Variants in ZGRF1 observed in about 807,000 individuals in gnomAD.
The protein encoded by ZGRF1 is 5'-3' DNA helicase ZGRF1.
A neutral mutation model predicts 203.5 loss-of-function variants in ZGRF1; 196 were observed. The ratio of observed to expected loss-of-function variants is 0.96; its 90% CI spans 0.86 to 1.08. ZGRF1 has a LOEUF of 1.08. Ranked by LOEUF, ZGRF1 falls within the 50% of genes least tolerant of loss-of-function variation. ZGRF1 has a pLI of 0.00. For missense variants in ZGRF1, 2,326 were observed against 2,416.3 expected (o/e 0.96, Z 0.78); for synonymous variants, 809 against 841.3 (o/e 0.96, Z 0.66).
At chr4:112,573,539 C>G (rs1744603649) in intron 16 of ZGRF1, among the ~76,000 whole-genome samples, 1 of 151,876 alleles carries the variant, frequency 6.6e-6, no homozygotes, top group Admixed American at 6.6e-5. Context: ...CACCTGTTCC[C>G]TCAAAAAATT....
intron 9 of ZGRF1, 25 bp from the exon 10 acceptor site, chr4:112,603,722 G>C (rs774146593): frequency 6.4e-7 from 1 of 1,574,036 alleles, no homozygotes; most frequent in Admixed American, 1.7e-5. Context: ...TTAAAAATAA[G>C]AACTGCATAA....
Position 112,597,770 on chromosome 4 carries a change from GC to G in ZGRF1, c.2976+5753del, listed in dbSNP as rs575684091. ...GTGGTGGTGCGTGCCTGTGGCCCCA[GC>G]TACTCGGGAGGCTGAGGCAGGAGAA... On this transcript the variant is annotated intron_variant, in intron 10 of 27. Coordinates refer to ENST00000505019, the MANE Select transcript of ZGRF1 (RefSeq NM_018392.5). Among the ~76,000 whole-genome samples the G allele has an allele frequency of 4.0e-4, 61 of 151,782 alleles. 1 individual carries two copies. In the East Asian group the frequency reaches 0.012, roughly 29 times the overall value.
chr4:112,607,061 TA>T (rs1437510118), intron 8 of ZGRF1, among the ~76,000 whole-genome samples: 1 of 152,204 alleles, frequency 6.6e-6, no homozygotes, highest in African/African-American at 2.4e-5. Context: ...AACACTTATA[TA>T]TAAGCACAAC....
chr4:112,577,739 T>TTG lies in ZGRF1; in HGVS notation c.4438+3923_4438+3924insCA, dbSNP rs1247428009. 2.5e-4 allele frequency among the ~76,000 whole-genome samples: 31 copies of TTG among 123,192 alleles called. 8 individuals are homozygous for TTG. The highest frequency in any genetic ancestry group is 8.2e-4 in the African/African-American group (29 of 35,556). 80.8% of individuals were successfully genotyped at this position (123,192 alleles called of 152,430 possible). ...AACAAGAAGAGCTAACTATCCTAAA[T>TTG]GTATATGCACCCAATTACAGGAGCA... On this transcript the variant is annotated intron_variant, in intron 16 of 27. Coordinates refer to ENST00000505019, the MANE Select transcript of ZGRF1 (RefSeq NM_018392.5).
intron 4 of ZGRF1, among the ~76,000 whole-genome samples, chr4:112,623,263 G>C (rs571856888): frequency 1.8e-4 from 27 of 152,254 alleles, no homozygotes; most frequent in Admixed American, 1.2e-3. Flanking sequence ...ATCACTGATA[G>C]GCATTTAGGC....
chr4:112,632,458 C>A (rs1427656231), intron 2 of ZGRF1, among the ~76,000 whole-genome samples: 1 of 152,154 alleles, frequency 6.6e-6, no homozygotes, highest in Non-Finnish European at 1.5e-5. Context: ...AAGACCTTTA[C>A]AGGTATCTGT....
Position 112,547,346 on chromosome 4 carries a change from C to T in ZGRF1, c.5537G>A (p.Gly1846Asp). Reference sequence around the variant, plus strand: ...TCCATTTTCATGAGCTGCATCAGAACCCTGAATAGTAGGAGGTAGCTGTTT... The same window carrying T: ...TCCATTTTCATGAGCTGCATCAGAATCCTGAATAGTAGGAGGTAGCTGTTT... ...DPKQLPPTIQ[G>D]SDAAHENGLE... is the part of the protein sequence containing the mutation. Residue 1846 changes from glycine (G) to aspartate (D), a missense_variant, in exon 24 of 28, where the codon GGT becomes GAT. Gly to Asp is a moderately conservative substitution (Grantham distance 94). Transcript: ENST00000505019. The T allele has an allele frequency of 6.2e-7, 1 of 1,613,544 alleles. No homozygotes were observed. Among genetic ancestry groups the T allele is most frequent in the East Asian group, 2.2e-5 (1 of 44,838 alleles).
intron 10 of ZGRF1, among the ~76,000 whole-genome samples, chr4:112,596,745 C>T (rs987116304): frequency 4.6e-5 from 7 of 152,026 alleles, no homozygotes; most frequent in East Asian, 1.9e-4. Flanking sequence ...AGGCACATGC[C>T]ACCACGCCTG....
At chr4:112,615,797 C>T (rs2046847204) in intron 6 of ZGRF1, among the ~76,000 whole-genome samples, 1 of 151,678 alleles carries the variant, frequency 6.6e-6, no homozygotes, top group Admixed American at 6.6e-5. Flanking sequence ...CAATGCTCAT[C>T]TAATTTTTTA....
intron 3 of ZGRF1, chr4:112,624,088 G>A: frequency 2.7e-6 from 1 of 367,644 alleles, no homozygotes; most frequent in Non-Finnish European, 5.0e-6. Context: ...AGAAATTCGG[G>A]CAACCCGCTC....
At chr4:112,634,601 A>G (rs1018386531) in intron 1 of ZGRF1, among the ~76,000 whole-genome samples, 1 of 151,972 alleles carries the variant, frequency 6.6e-6, no homozygotes, top group Non-Finnish European at 1.5e-5. Context: ...CAGTGAGCCG[A>G]GATCACGCCA....
chr4:112,607,661 G>C (rs1225325081), intron 8 of ZGRF1, among the ~76,000 whole-genome samples: 1 of 152,192 alleles, frequency 6.6e-6, no homozygotes, highest in Admixed American at 6.5e-5. Context: ...TATAGGCCAG[G>C]CACATGCCTA....
At position 112,579,471 on chromosome 4, in the gene ZGRF1, G is replaced by A. The variant is rs1431413499; in HGVS notation, c.4438+2192C>T. On this transcript the variant is annotated intron_variant, in intron 16 of 27. Coordinates refer to ENST00000505019, the MANE Select transcript of ZGRF1 (RefSeq NM_018392.5). ...AAAGGGTATTCAATTAGGAAAAGAG[G>A]AAGTTAAATTGTCCCTGTTTGCAGA... 1.6e-5 allele frequency among the ~76,000 whole-genome samples: 2 copies of A among 122,200 alleles called. 1 individual carries two copies. The highest frequency in any genetic ancestry group is 3.6e-5 in the Non-Finnish European group (2 of 54,900). The allele number at this position is 122,200 out of a possible 152,430, so 80.2% of individuals were successfully genotyped here.
chr4:112,540,558 T>C (rs72668069), intron 26 of ZGRF1, among the ~76,000 whole-genome samples: 2,190 of 152,308 alleles, frequency 0.014, 30 homozygotes, highest in South Asian at 0.03. Context: ...TACACCATAT[T>C]TTCTTCCCTC....
chr4:112,576,612 C>T (rs571464722), intron 16 of ZGRF1, among the ~76,000 whole-genome samples: 7 of 152,106 alleles, frequency 4.6e-5, no homozygotes, highest in South Asian at 4.2e-4. Flanking sequence ...AACCATGGCA[C>T]GAGAACTGCA....
intron 16 of ZGRF1, among the ~76,000 whole-genome samples, chr4:112,565,781 T>A (rs1432148161): frequency 1.3e-5 from 2 of 152,014 alleles, no homozygotes; most frequent in African/African-American, 2.4e-5. Context: ...GAAATGCAAA[T>A]CAAAACCACA....
At chr4:112,626,462 G>T (rs1416880611) in intron 3 of ZGRF1, among the ~76,000 whole-genome samples, 2 of 152,080 alleles carry the variant, frequency 1.3e-5, no homozygotes, top group African/African-American at 2.4e-5. Context: ...TCTCGCCCTT[G>T]CTCACTCTGT....
chr4:112,621,385 C>G (rs2047053450), intron 4 of ZGRF1, among the ~76,000 whole-genome samples: 1 of 152,056 alleles, frequency 6.6e-6, no homozygotes, highest in Non-Finnish European at 1.5e-5. Context: ...CGCAGTGGCT[C>G]ACACCTGTAA....
intron 8 of ZGRF1, 99 bp from the exon 9 acceptor site, chr4:112,606,190 C>A: frequency 5.3e-6 from 4 of 759,342 alleles, no homozygotes; most frequent in Non-Finnish European, 8.7e-6. Flanking sequence ...TAAGTTTGCC[C>A]TGTGAAAACA....
Sources: gnomAD v4.1 joint callset for allele counts (sites outside exome capture counted in the v4.1 genomes callset) on GRCh38, gnomAD v4.1.1 for gene constraint, MANE v1.5 for transcripts, NCBI Gene and HGNC (gene_info 2026-07-23, HGNC 2026-07-21) for gene names.